The following CIMIP5 variants were observed in gnomAD, a reference collection of about 807,000 sequenced individuals.
CIMIP5 encodes the protein ciliary microtubule inner protein 5.
the CIMIP5 span, among the ~76,000 whole-genome samples, chr2:11,148,146 G>A: frequency 1.3e-5 from 2 of 148,990 alleles, no homozygotes; most frequent in East Asian, 1.9e-4. Flanking sequence ...ATGGAGTTTC[G>A]CCAGCTTGTC....
chr2:11,142,910 C>T, the CIMIP5 span, among the ~76,000 whole-genome samples: 1 of 151,422 alleles, frequency 6.6e-6, no homozygotes, highest in African/African-American at 2.4e-5. Flanking sequence ...TTTGTAGAGA[C>T]GGGGTCTCAC....
At chr2:11,140,353 T>C in the CIMIP5 span, among the ~76,000 whole-genome samples, 1 of 134,160 alleles carries the variant, frequency 7.5e-6, no homozygotes, top group Non-Finnish European at 1.5e-5. Context: ...CCAGCCTGGG[T>C]GACAGAGTGA....
At chr2:11,134,137 C>T in the CIMIP5 span, among the ~76,000 whole-genome samples, 37 of 152,152 alleles carry the variant, frequency 2.4e-4, no homozygotes, top group Non-Finnish European at 4.9e-4. Flanking sequence ...AGTTCAGGGT[C>T]GGGGGCAGAG....
At chr2:11,152,752 G>C in the CIMIP5 span, among the ~76,000 whole-genome samples, 1 of 152,064 alleles carries the variant, frequency 6.6e-6, no homozygotes, top group Non-Finnish European at 1.5e-5. Flanking sequence ...GAGCCTCGCA[G>C]ATCAGCTGTT....
the CIMIP5 span, among the ~76,000 whole-genome samples, chr2:11,134,040 A>G: frequency 6.6e-6 from 1 of 152,116 alleles, no homozygotes; most frequent in Non-Finnish European, 1.5e-5. Flanking sequence ...CCGAGCCTTC[A>G]TACTCAGGAC....
chr2:11,141,427 C>T, the CIMIP5 span, among the ~76,000 whole-genome samples: 128 of 152,152 alleles, frequency 8.4e-4, 1 homozygote, highest in African/African-American at 3.0e-3. Context: ...CACACCCAGC[C>T]CCCACAACAC....
At chr2:11,133,849 G>C in the CIMIP5 span, among the ~76,000 whole-genome samples, 1 of 152,156 alleles carries the variant, frequency 6.6e-6, no homozygotes, top group Admixed American at 6.5e-5. Flanking sequence ...ACTGCGACGC[G>C]GCCGGTAATC....
the CIMIP5 span, among the ~76,000 whole-genome samples, chr2:11,148,642 C>T: frequency 1.3e-5 from 2 of 151,814 alleles, no homozygotes; most frequent in African/African-American, 4.9e-5. Flanking sequence ...CCACAAGCCC[C>T]ACCAAATAAC....
At chr2:11,137,373 C>CA in the CIMIP5 span, among the ~76,000 whole-genome samples, 754 of 145,118 alleles carry the variant, frequency 5.2e-3, 3 homozygotes, top group African/African-American at 0.016. Flanking sequence ...GACTCCATCT[C>CA]AAAAAAAAAC....
chr2:11,147,584 C>T, the CIMIP5 span, among the ~76,000 whole-genome samples: 1 of 152,214 alleles, frequency 6.6e-6, no homozygotes, highest in Admixed American at 6.5e-5. Flanking sequence ...GTTTTTTGTG[C>T]ATGTCTCTCA....
chr2:11,140,238 G>A, the CIMIP5 span, among the ~76,000 whole-genome samples: 4 of 151,956 alleles, frequency 2.6e-5, no homozygotes, highest in South Asian at 6.2e-4. Context: ...AGCCAGGCGC[G>A]GTGGCGGGTG....
the CIMIP5 span, chr2:11,133,327 C>G: frequency 6.3e-7 from 1 of 1,585,524 alleles, no homozygotes. Flanking sequence ...CACACACACA[C>G]TTGCACCATG....
chr2:11,142,400 G>A, the CIMIP5 span, among the ~76,000 whole-genome samples: 1 of 152,130 alleles, frequency 6.6e-6, no homozygotes, highest in South Asian at 2.1e-4. Flanking sequence ...CTGCATTGTG[G>A]ACCTGCTGGA....
the CIMIP5 span, among the ~76,000 whole-genome samples, chr2:11,142,760 C>T: frequency 2.9e-5 from 4 of 137,732 alleles, no homozygotes; most frequent in Admixed American, 3.3e-4. Flanking sequence ...CACTCTGTTG[C>T]CCAGGCTGGA....
chr2:11,134,229 AAAAAC>A, the CIMIP5 span, among the ~76,000 whole-genome samples: 21 of 152,338 alleles, frequency 1.4e-4, no homozygotes, highest in East Asian at 3.3e-3. Flanking sequence ...GATGTATCTA[AAAAAC>A]AAAACAAAGA....
chr2:11,139,172 C>A, the CIMIP5 span, among the ~76,000 whole-genome samples: 1 of 152,200 alleles, frequency 6.6e-6, no homozygotes, highest in Admixed American at 6.5e-5. Flanking sequence ...CCCACCTTAG[C>A]TTCCCAAAGT....
chr2:11,154,170 G>A, the CIMIP5 span, among the ~76,000 whole-genome samples: 10 of 152,050 alleles, frequency 6.6e-5, no homozygotes, highest in Non-Finnish European at 1.5e-4. Flanking sequence ...AGAGGCGGGG[G>A]TTTCCCTATG....
At chr2:11,133,568 C>T in the CIMIP5 span, 25 of 1,604,300 alleles carry the variant, frequency 1.6e-5, no homozygotes, top group African/African-American at 2.9e-4. Flanking sequence ...TCCTGGAGGC[C>T]GAGCGGCGGG....
the CIMIP5 span, among the ~76,000 whole-genome samples, chr2:11,147,224 A>G: frequency 4.6e-5 from 7 of 152,274 alleles, no homozygotes; most frequent in African/African-American, 1.7e-4. Flanking sequence ...ACTTCATTCA[A>G]TCTGGTCAGG....
Sources: allele counts gnomAD v4.1 joint callset (sites outside exome capture counted in the v4.1 genomes callset), GRCh38; gene constraint gnomAD v4.1.1; transcripts MANE v1.5; gene names NCBI Gene and HGNC (gene_info 2026-07-23, HGNC 2026-07-21).